FRMD4A: variants seen among roughly 807,000 people sequenced by gnomAD.
FRMD4A encodes FERM domain containing 4A, also known as FERM domain-containing protein 4A.
FRMD4A carries 29 observed loss-of-function variants against 129.1 expected under a neutral mutation model. The ratio of observed to expected loss-of-function variants is 0.22; its 90% CI spans 0.17 to 0.31. FRMD4A has a LOEUF of 0.31. Ranked by LOEUF, FRMD4A falls within the 10% of genes least tolerant of loss-of-function variation. The pLI, the probability that FRMD4A is intolerant of heterozygous loss-of-function variation, is 1.00. For synonymous variants in FRMD4A, 634 were observed against 571.6 expected, an observed-to-expected ratio of 1.11 and a Z score of -1.56; for missense variants, 1,272 against 1,375.8, an observed-to-expected ratio of 0.92 and a Z score of 1.19.
At chr10:14,188,576 T>C (rs778452465) in intron 2 of FRMD4A, among the ~76,000 whole-genome samples, 16 of 152,224 alleles carry the variant, frequency 1.1e-4, no homozygotes, top group Non-Finnish European at 1.6e-4. Context: ...CCAATGTCCA[T>C]TACTTAATAA....
At chr10:14,048,862 GA>G (rs1565211014) in intron 2 of FRMD4A, among the ~76,000 whole-genome samples, 2 of 146,000 alleles carry the variant, frequency 1.4e-5, no homozygotes, top group Non-Finnish European at 3.0e-5. Context: ...GAATAGAATA[GA>G]ATAGAATAGA....
At chr10:13,955,105 A>T (rs1293676600) in intron 2 of FRMD4A, among the ~76,000 whole-genome samples, 1 of 52,088 alleles carries the variant, frequency 1.9e-5, no homozygotes, top group African/African-American at 9.9e-5. Flanking sequence ...CCATGTTAAT[A>T]ATTCTGCTTT....
At chr10:14,021,021 C>T (rs1832721242) in intron 2 of FRMD4A, among the ~76,000 whole-genome samples, 1 of 152,114 alleles carries the variant, frequency 6.6e-6, no homozygotes, top group African/African-American at 2.4e-5. Flanking sequence ...TCTTCTGAAT[C>T]TTCACCATGA....
At chr10:14,108,919 T>A (rs372956866) in intron 2 of FRMD4A, among the ~76,000 whole-genome samples, 12 of 152,198 alleles carry the variant, frequency 7.9e-5, no homozygotes, top group African/African-American at 2.9e-4. Flanking sequence ...CTGGCTGCCA[T>A]GAGACCTTCC....
At chr10:13,773,962 CGCAACGTTCCAG>C (rs1377935093) in intron 6 of FRMD4A, among the ~76,000 whole-genome samples, 1 of 152,230 alleles carries the variant, frequency 6.6e-6, no homozygotes, top group Non-Finnish European at 1.5e-5. Flanking sequence ...CCAGGGAACA[CGCAACGTTCCAG>C]GCAGGCTTCC....
At chr10:14,098,645 T>C (rs1341156726) in intron 2 of FRMD4A, among the ~76,000 whole-genome samples, 1 of 152,088 alleles carries the variant, frequency 6.6e-6, no homozygotes, top group African/African-American at 2.4e-5. Context: ...CCTGACCCCG[T>C]GATCCGCCCG....
chr10:14,108,654 A>G (rs1358204886), intron 2 of FRMD4A, among the ~76,000 whole-genome samples: 1 of 152,230 alleles, frequency 6.6e-6, no homozygotes, highest in African/African-American at 2.4e-5. Flanking sequence ...TTTGCTTAAA[A>G]TAGCCTTGGA....
intron 6 of FRMD4A, among the ~76,000 whole-genome samples, chr10:13,774,518 G>A (rs540298702): frequency 9.2e-5 from 14 of 152,322 alleles, no homozygotes; most frequent in Non-Finnish European, 1.5e-4. Flanking sequence ...GTTCCCTCCC[G>A]ATCCCTGGAT....
intron 2 of FRMD4A, among the ~76,000 whole-genome samples, chr10:14,097,963 T>C (rs969191661): frequency 7.2e-6 from 1 of 139,444 alleles, no homozygotes; most frequent in Non-Finnish European, 1.5e-5. Context: ...AAATTATATA[T>C]ATTATATACA....
chr10:13,835,474 C>G (rs2093858477), intron 3 of FRMD4A, among the ~76,000 whole-genome samples: 1 of 152,160 alleles, frequency 6.6e-6, no homozygotes, highest in Non-Finnish European at 1.5e-5. Flanking sequence ...CGGTGAGTCG[C>G]AGGAGAGTGA....
rs758881251 is a variant in FRMD4A, at chr10:13,693,953, G to T, written c.1062C>A (p.Asn354Lys). Residue 354 changes from asparagine (N) to lysine (K), a missense_variant, in exon 15 of 25, where the codon AAC becomes AAA. Physicochemically the swap from Asn to Lys is moderately conservative, Grantham distance 94. This residue lies in a region of FRMD4A where 300 missense variants were observed against 483.6 expected (regional missense o/e 0.62). Transcript: ENST00000357447. The part of the protein sequence containing the change: ...TGTLKTSKLA[N>K]MGSKGKIISG... The stretch of plus-strand genomic sequence containing the variant: ...TGATGATCTTCCCCTTGCTACCCAT[G>T]TTGGCCAGCTTCGAGGTCTTCAGCG... The T allele has an allele frequency of 1.3e-6, 2 of 1,598,952 alleles. No individual in the cohort carries two copies. The highest frequency in any genetic ancestry group is 1.7e-6 in the Non-Finnish European group (2 of 1,174,536).
At chr10:14,006,352 C>A (rs1199701657) in intron 2 of FRMD4A, among the ~76,000 whole-genome samples, 1 of 152,172 alleles carries the variant, frequency 6.6e-6, no homozygotes, top group African/African-American at 2.4e-5. Context: ...GCCCTGTGTG[C>A]TTTGAAGGCA....
intron 2 of FRMD4A, among the ~76,000 whole-genome samples, chr10:14,143,431 A>G (rs1186444800): frequency 2.6e-5 from 4 of 152,258 alleles, no homozygotes; most frequent in African/African-American, 9.6e-5. Flanking sequence ...TGTTATAGTT[A>G]CATTCATAGA....
At chr10:14,295,336 T>A (rs891093129) in intron 2 of FRMD4A, among the ~76,000 whole-genome samples, 1 of 152,210 alleles carries the variant, frequency 6.6e-6, no homozygotes, top group African/African-American at 2.4e-5. Flanking sequence ...CACTTTTATT[T>A]GATTTTTTTA....
At chr10:13,783,036 A>G (rs1425696667) in intron 5 of FRMD4A, 30 bp from the exon 6 acceptor site, 3 of 840,354 alleles carry the variant, frequency 3.6e-6, no homozygotes, top group Middle Eastern at 2.2e-4. Flanking sequence ...CGTGAACCAC[A>G]GAAACAGCAG....
At chr10:14,055,255 T>C (rs1311160225) in intron 2 of FRMD4A, among the ~76,000 whole-genome samples, 1 of 152,234 alleles carries the variant, frequency 6.6e-6, no homozygotes, top group African/African-American at 2.4e-5. Context: ...TTCAAGGAAC[T>C]GAGGTTTTCA....
chr10:14,196,414 G>A (rs989078267), intron 2 of FRMD4A, among the ~76,000 whole-genome samples: 10 of 152,186 alleles, frequency 6.6e-5, no homozygotes, highest in African/African-American at 2.4e-4. Context: ...ACATTAAAAT[G>A]TTCCTGTTAT....
At chr10:13,730,187 G>A (rs1028367306) in intron 12 of FRMD4A, among the ~76,000 whole-genome samples, 2 of 152,060 alleles carry the variant, frequency 1.3e-5, no homozygotes, top group South Asian at 2.1e-4. Context: ...AGGCTTTCTC[G>A]GGCTTCAATC....
At chr10:14,040,940 G>T (rs1445420446) in intron 2 of FRMD4A, among the ~76,000 whole-genome samples, 1 of 152,188 alleles carries the variant, frequency 6.6e-6, no homozygotes, top group African/African-American at 2.4e-5. Context: ...CACAAGCCCA[G>T]AGAAATCTAT....
Sources: gnomAD v4.1 joint callset for allele counts (sites outside exome capture counted in the v4.1 genomes callset) on GRCh38, gnomAD v4.1.1 for gene constraint, gnomAD v4.1.1 regional missense constraint, MANE v1.5 for transcripts, NCBI Gene and HGNC (gene_info 2026-07-23, HGNC 2026-07-21) for gene names.